The following WWC2 variants were observed in gnomAD, a reference collection of about 807,000 sequenced individuals.
The protein encoded by WWC2 is WW and C2 domain containing 2, also known as protein WWC2.
Under a neutral mutation model 138.5 loss-of-function variants are expected in WWC2, and 101 were observed. The observed-to-expected ratio is 0.73, with a 90% CI of 0.62 to 0.86. WWC2 has a LOEUF of 0.86. Among genes scored for constraint, WWC2 ranks in the 40% least tolerant of loss-of-function variants. WWC2 has a pLI of 0.00. For missense variants in WWC2, 1,420 were observed against 1,419.4 expected (o/e 1.00, Z -0.01); for synonymous variants, 558 against 538.4 (o/e 1.04, Z -0.50).
rs753756289 is a variant in WWC2, at chr4:183,248,701, G to A, written c.733-13G>A. ...TGTTAAGCTTTATGAAACACTTTGT[G>A]TTTTCTGAACAGAGTCTTGCTAAGC... On this transcript the variant is annotated splice_polypyrimidine_tract_variant and intron_variant, in intron 6 of 22. Transcript: ENST00000403733. 2.5e-6 allele frequency: 4 copies of A among 1,572,920 alleles called. No individual in the cohort carries two copies. The highest frequency in any genetic ancestry group is 2.3e-5 in the East Asian group (1 of 44,048).
chr4:183,099,817 CG>C, intron 1 of WWC2, among the ~76,000 whole-genome samples, 195 bp downstream of exon 1: 1 of 150,416 alleles, frequency 6.6e-6, no homozygotes, highest in African/African-American at 2.4e-5. Context: ...GGCTTCCCGA[CG>C]CCCCTCCGGG....
chr4:183,317,038 T>TAA lies in WWC2; in HGVS notation c.*1310_*1311insAA, dbSNP rs1739464245. 6.6e-6 allele frequency: 1 copy of TAA among 152,126 alleles called. No homozygotes were observed. Among genetic ancestry groups the TAA allele is most frequent in the South Asian group, 2.1e-4 (1 of 4,822 alleles). The allele number at this position is 152,126 out of a possible 1,614,324, so 9.4% of individuals were successfully genotyped here. A position where few individuals can be genotyped will look rare whatever the true frequency, so the allele number is the denominator to read the frequency against. Reference sequence around the variant, plus strand: ...GCATCAAGGCTTTTAAAATATGTAGTATTTAGGCCATTTAAACCATACTTA... The same window carrying TAA: ...GCATCAAGGCTTTTAAAATATGTAGTAAATTTAGGCCATTTAAACCATACTTA... On this transcript the variant is annotated 3_prime_UTR_variant, in exon 23 of 23. Coordinates refer to ENST00000403733, the MANE Select transcript of WWC2 (RefSeq NM_024949.6).
At chr4:183,213,343 T>A (rs1735662565) in intron 4 of WWC2, among the ~76,000 whole-genome samples, 1 of 152,238 alleles carries the variant, frequency 6.6e-6, no homozygotes, top group Non-Finnish European at 1.5e-5. Flanking sequence ...CTGTTAAAAA[T>A]CCCTTTCACG....
intron 15 of WWC2, chr4:183,269,453 G>C: frequency 1.8e-6 from 1 of 552,376 alleles, no homozygotes; most frequent in Non-Finnish European, 3.6e-6. Flanking sequence ...ATCACTCATG[G>C]AGTGTGCTTA....
intron 1 of WWC2, among the ~76,000 whole-genome samples, chr4:183,119,854 C>G (rs534212929): frequency 2.0e-4 from 31 of 152,102 alleles, no homozygotes; most frequent in Non-Finnish European, 4.3e-4. Flanking sequence ...CATTTTCTTT[C>G]CACGATTTTC....
intron 1 of WWC2, among the ~76,000 whole-genome samples, chr4:183,177,437 C>A (rs985659208): frequency 3.3e-5 from 5 of 151,922 alleles, no homozygotes; most frequent in African/African-American, 4.8e-5. Context: ...AAAAATAGAA[C>A]CTTTGTAAAT....
intron 19 of WWC2, among the ~76,000 whole-genome samples, chr4:183,285,019 G>A (rs1364905051): frequency 6.6e-6 from 1 of 152,120 alleles, no homozygotes; most frequent in Non-Finnish European, 1.5e-5. Context: ...TTAAGCACCT[G>A]CTTTTAAGCA....
At chr4:183,196,238 A>T (rs551219802) in intron 2 of WWC2, among the ~76,000 whole-genome samples, 2 of 152,138 alleles carry the variant, frequency 1.3e-5, no homozygotes, top group African/African-American at 2.4e-5. Context: ...AGTCTCAGGT[A>T]TTCCTTTATA....
chr4:183,231,415 G>A (rs1223361002), intron 4 of WWC2, among the ~76,000 whole-genome samples: 9 of 150,450 alleles, frequency 6.0e-5, no homozygotes, highest in African/African-American at 1.5e-4. Flanking sequence ...GATTACAGGC[G>A]GGTACCACCA....
At chr4:183,102,979 AGGGT>A (rs1743227181) in intron 1 of WWC2, among the ~76,000 whole-genome samples, 1 of 151,606 alleles carries the variant, frequency 6.6e-6, no homozygotes, top group South Asian at 2.1e-4. Context: ...CCTCAGAGAT[AGGGT>A]GGGTTGGCTT....
chr4:183,157,093 C>T (rs979828231), intron 1 of WWC2, among the ~76,000 whole-genome samples: 1 of 152,138 alleles, frequency 6.6e-6, no homozygotes, highest in African/African-American at 2.4e-5. Context: ...TTTATAGGGC[C>T]TTCTTTCCCC....
chr4:183,141,716 T>C (rs543840433), intron 1 of WWC2, among the ~76,000 whole-genome samples: 4 of 152,356 alleles, frequency 2.6e-5, no homozygotes, highest in Admixed American at 2.6e-4. Context: ...TCAGTCTTTC[T>C]GTATACTGAG....
At chr4:183,192,211 C>A (rs1443019563) in intron 1 of WWC2, among the ~76,000 whole-genome samples, 1 of 152,234 alleles carries the variant, frequency 6.6e-6, no homozygotes. Flanking sequence ...CCTGGATGCT[C>A]TTCCAAGTTA....
chr4:183,315,581 C>A, intron 22 of WWC2, 82 bp from the exon 23 acceptor site: 2 of 1,044,440 alleles, frequency 1.9e-6, no homozygotes, highest in Non-Finnish European at 2.8e-6. Flanking sequence ...ACTGCCACTG[C>A]AGGTCTTGGG....
chr4:183,121,461 C>T (rs1043530675), intron 1 of WWC2, among the ~76,000 whole-genome samples: 4 of 151,676 alleles, frequency 2.6e-5, no homozygotes, highest in African/African-American at 9.7e-5. Context: ...AGTGTTATGT[C>T]GGCATTCAGA....
At chr4:183,142,587 GC>G (rs1402677319) in intron 1 of WWC2, among the ~76,000 whole-genome samples, 2 of 152,188 alleles carry the variant, frequency 1.3e-5, no homozygotes, top group Non-Finnish European at 2.9e-5. Flanking sequence ...AAAGCTTCAT[GC>G]CAGTTTTGTA....
chr4:183,264,896 A>C (rs1472247972), intron 11 of WWC2, 82 bp from the exon 12 acceptor site: 1 of 1,381,410 alleles, frequency 7.2e-7, no homozygotes, highest in Admixed American at 2.7e-5. Flanking sequence ...TGGATTGCTC[A>C]TGACCAAACT....
intron 4 of WWC2, among the ~76,000 whole-genome samples, chr4:183,231,047 T>C (rs536756545): frequency 6.6e-6 from 1 of 152,084 alleles, no homozygotes; most frequent in Non-Finnish European, 1.5e-5. Flanking sequence ...TGTGACAAGA[T>C]TGTATGAACA....
chr4:183,148,630 C>T (rs376282170), intron 1 of WWC2, among the ~76,000 whole-genome samples: 6 of 152,258 alleles, frequency 3.9e-5, no homozygotes, highest in East Asian at 3.9e-4. Flanking sequence ...TGTATGTCTT[C>T]GCTTCTTTCT....
Sources: gnomAD v4.1 joint callset for allele counts (sites outside exome capture counted in the v4.1 genomes callset) on GRCh38, gnomAD v4.1.1 for gene constraint, MANE v1.5 for transcripts, NCBI Gene and HGNC (gene_info 2026-07-23, HGNC 2026-07-21) for gene names.